GPHN: variants seen among roughly 807,000 people sequenced by gnomAD.
The protein encoded by GPHN is gephyrin.
GPHN carries 17 observed loss-of-function variants against 95.5 expected under a neutral mutation model. The ratio of observed to expected loss-of-function variants is 0.18; its 90% confidence interval spans 0.12 to 0.27. GPHN has a LOEUF of 0.27. Among genes scored for constraint, GPHN ranks in the 10% least tolerant of loss-of-function variants. The pLI is 1.00. For synonymous variants in GPHN, 320 were observed against 322.5 expected (o/e 0.99, Z 0.08); for missense variants, 660 against 978.1 (o/e 0.67, Z 4.34).
chr14:66,979,271 T>A (rs1314895738), intron 9 of GPHN, among the ~76,000 whole-genome samples: 1 of 152,244 alleles, frequency 6.6e-6, no homozygotes, highest in African/African-American at 2.4e-5. Flanking sequence ...TCTCTAGCAA[T>A]GAAAGTCCTA....
the GPHN span, among the ~76,000 whole-genome samples, chr14:67,239,512 C>G: frequency 6.6e-6 from 1 of 152,172 alleles, no homozygotes; most frequent in Non-Finnish European, 1.5e-5. Flanking sequence ...AAGAAGAATT[C>G]ATTGACGAGC....
intron 10 of GPHN, among the ~76,000 whole-genome samples, chr14:67,035,027 G>A (rs1170461503): frequency 1.3e-5 from 2 of 151,982 alleles, no homozygotes; most frequent in Non-Finnish European, 2.9e-5. Flanking sequence ...TAAAAAACAA[G>A]TCTTAACAAA....
intron 16 of GPHN, among the ~76,000 whole-genome samples, chr14:67,116,334 G>A (rs1307994931): frequency 1.3e-5 from 2 of 149,866 alleles, no homozygotes; most frequent in Non-Finnish European, 3.0e-5. Context: ...AGAAACAGAA[G>A]GAAAAGAAAA....
chr14:67,290,247 A>G, the GPHN span, among the ~76,000 whole-genome samples: 119 of 152,326 alleles, frequency 7.8e-4, no homozygotes, highest in African/African-American at 2.8e-3. Context: ...CTAATTTACA[A>G]TAGTCGAGAA....
At chr14:67,422,399 A>G in the GPHN span, among the ~76,000 whole-genome samples, 1 of 152,200 alleles carries the variant, frequency 6.6e-6, no homozygotes, top group Non-Finnish European at 1.5e-5. Flanking sequence ...CACAGCTAGC[A>G]TATGGCCGAG....
intron 2 of GPHN, among the ~76,000 whole-genome samples, chr14:66,740,049 A>G (rs1460171496): frequency 1.3e-5 from 2 of 152,132 alleles, no homozygotes; most frequent in Non-Finnish European, 2.9e-5. Context: ...ATAATAGGCT[A>G]AAAGAAATTA....
At chr14:66,778,808 C>T (rs562717825) in intron 3 of GPHN, among the ~76,000 whole-genome samples, 1 of 139,670 alleles carries the variant, frequency 7.2e-6, no homozygotes, top group African/African-American at 2.7e-5. Context: ...GATCTCAGCT[C>T]ACTGCAGCCT....
chr14:67,213,664 C>A, the GPHN span, among the ~76,000 whole-genome samples: 306 of 152,138 alleles, frequency 2.0e-3, no homozygotes, highest in African/African-American at 6.9e-3. Flanking sequence ...ATTTATAGTC[C>A]TTTGGGTATA....
intron 8 of GPHN, among the ~76,000 whole-genome samples, chr14:66,946,957 A>G (rs988357970): frequency 1.4e-4 from 22 of 152,156 alleles, no homozygotes; most frequent in African/African-American, 4.8e-4. Context: ...CCTCCCTTCA[A>G]TTCAGTCTTC....
chr14:66,868,593 CAT>C (rs950675948), intron 4 of GPHN, among the ~76,000 whole-genome samples: 68 of 152,210 alleles, frequency 4.5e-4, no homozygotes, highest in African/African-American at 1.5e-3. Flanking sequence ...AGGGTTTCAC[CAT>C]GTTGGCCAGG....
At chr14:66,626,813 C>T (rs1472569386) in intron 1 of GPHN, among the ~76,000 whole-genome samples, 2 of 151,984 alleles carry the variant, frequency 1.3e-5, no homozygotes, top group Non-Finnish European at 2.9e-5. Flanking sequence ...GAATTGGATT[C>T]ATGTCTACTG....
intron 3 of GPHN, among the ~76,000 whole-genome samples, chr14:66,783,934 T>C (rs998180208): frequency 6.6e-6 from 1 of 151,906 alleles, no homozygotes; most frequent in Non-Finnish European, 1.5e-5. Context: ...GATTAAATAG[T>C]CTCAAATATA....
intron 1 of GPHN, among the ~76,000 whole-genome samples, chr14:66,645,818 C>A (rs996499503): frequency 6.6e-6 from 1 of 151,670 alleles, no homozygotes; most frequent in African/African-American, 2.4e-5. Context: ...GATACTCAGA[C>A]TAACCCTATG....
intron 5 of GPHN, among the ~76,000 whole-genome samples, chr14:66,899,298 A>T (rs886556550): frequency 6.6e-6 from 1 of 151,806 alleles, no homozygotes; most frequent in Non-Finnish European, 1.5e-5. Flanking sequence ...TTCCAGTGCT[A>T]TTTTGAATAG....
At chr14:66,695,728 A>G (rs890172097) in intron 2 of GPHN, among the ~76,000 whole-genome samples, 4 of 152,226 alleles carry the variant, frequency 2.6e-5, no homozygotes, top group African/African-American at 9.6e-5. Flanking sequence ...ACTTAAATGC[A>G]TATTACTACA....
chr14:66,605,527 ATTTTT>A (rs59245552), intron 1 of GPHN, among the ~76,000 whole-genome samples: 2 of 116,424 alleles, frequency 1.7e-5, no homozygotes, highest in East Asian at 2.5e-4. Flanking sequence ...TCCTTTGCCG[ATTTTT>A]TTTTTTTTTT....
chr14:67,012,309 T>C (rs927741640), intron 9 of GPHN, among the ~76,000 whole-genome samples: 1 of 152,220 alleles, frequency 6.6e-6, no homozygotes, highest in Non-Finnish European at 1.5e-5. Context: ...ATGCAGAAAT[T>C]TATTTATGGT....
the GPHN span, chr14:67,576,095 A>G: frequency 9.4e-7 from 1 of 1,060,806 alleles, no homozygotes. This position sits in a 1 kb window ranked among gnomAD's most constrained non-coding sequence, Gnocchi z 4.0. Flanking sequence ...CCCAAAATTC[A>G]AATTTATTTC....
chr14:67,004,021 A>G lies in GPHN; in HGVS notation c.964-19612A>G, dbSNP rs187484191. Among the ~76,000 whole-genome samples, 3 of 151,826 alleles carry G rather than the reference A, an allele frequency of 2.0e-5. No individual in the cohort carries two copies. In the East Asian group the frequency reaches 5.8e-4, roughly 29 times the overall value. On this transcript the variant is annotated intron_variant, in intron 9 of 22. Transcript: ENST00000478722. ...TTACCCGTCTCTAAAATTTGAATAA[A>G]CTAGACCTTTATGTTCCTCAGAAGG...
Sources: allele counts gnomAD v4.1 joint callset (sites outside exome capture counted in the v4.1 genomes callset), GRCh38; gene constraint gnomAD v4.1.1; non-coding constraint Gnocchi (gnomAD v3.1); transcripts MANE v1.5; gene names NCBI Gene and HGNC (gene_info 2026-07-23, HGNC 2026-07-21).